BCAS3: variants seen among roughly 807,000 people sequenced by gnomAD.
The protein encoded by BCAS3 is BCAS4/BCAS3 fusion.
Under a neutral mutation model 116.1 loss-of-function variants are expected in BCAS3, and 53 were observed. That is an observed-to-expected ratio of 0.46 (90% CI 0.37 to 0.57). BCAS3 has a LOEUF of 0.57. BCAS3 is among the 20% of genes least tolerant of loss of function. BCAS3 has a pLI of 0.00. For missense variants in BCAS3, 917 were observed against 1,165.4 expected, an observed-to-expected ratio of 0.79 and a Z score of 3.10; for synonymous variants, 391 against 408.2, an observed-to-expected ratio of 0.96 and a Z score of 0.51.
At position 61,326,399 on chromosome 17, in the gene BCAS3, T is replaced by G. The variant is rs9894842; in HGVS notation, c.2426-41928T>G. On this transcript the variant is annotated intron_variant, in intron 22 of 23. Transcript: ENST00000407086. The surrounding 1 kb of genome is among the most constrained non-coding windows in gnomAD (Gnocchi z 5.3). ...GGTGACTGTGGGGTCTTGCTGCTCA[T>G]GTGGACTTTAGTTTTATCCTAAATG... Among the ~76,000 whole-genome samples, 4,416 of 152,276 alleles carry G rather than the reference T, an allele frequency of 0.029. 219 individuals are homozygous for G. Among genetic ancestry groups the G allele is most frequent in the African/African-American group, 0.1 (4,157 of 41,546 alleles).
At chr17:61,295,673 CGGGGCGCGGT>C (rs889789282) in intron 22 of BCAS3, among the ~76,000 whole-genome samples, 25 of 151,780 alleles carry the variant, frequency 1.6e-4, no homozygotes, top group African/African-American at 5.8e-4. Context: ...GTAGGTCAGG[CGGGGCGCGGT>C]GGCTCATGCC....
chr17:60,696,981 G>A (rs112587486), intron 4 of BCAS3, among the ~76,000 whole-genome samples: 10,635 of 150,918 alleles, frequency 0.07, 1,242 homozygotes, highest in African/African-American at 0.24. Flanking sequence ...GAGCCCAGGA[G>A]TTCAAGACCA....
intron 22 of BCAS3, among the ~76,000 whole-genome samples, chr17:61,290,041 T>C (rs1275234615): frequency 6.6e-6 from 1 of 152,206 alleles, no homozygotes; most frequent in East Asian, 1.9e-4. Context: ...TTAGGGTGTT[T>C]ACTTGGGTTC....
intron 6 of BCAS3, among the ~76,000 whole-genome samples, chr17:60,788,839 A>G (rs1411481140): frequency 1.3e-5 from 2 of 152,186 alleles, no homozygotes; most frequent in African/African-American, 4.8e-5. Context: ...GTAGCGCACA[A>G]CAACCTTGAC....
At position 61,171,483 on chromosome 17, in the gene BCAS3, A is replaced by G. The variant is rs2078836936; in HGVS notation, c.2425+86919A>G. Among the ~76,000 whole-genome samples, 1 of 152,234 alleles carries G rather than the reference A, an allele frequency of 6.6e-6. No homozygotes were observed. On this transcript the variant is annotated intron_variant, in intron 22 of 23. Transcript: ENST00000407086. The surrounding 1 kb of genome is among the most constrained non-coding windows in gnomAD (Gnocchi z 4.1). ...TGAATGTAAATGGTCTAAACACTCAATTAAAAGACAGGAAATGTAAGATTG... is the reference window on the plus strand; with the variant it reads ...TGAATGTAAATGGTCTAAACACTCAGTTAAAAGACAGGAAATGTAAGATTG...
intron 14 of BCAS3, among the ~76,000 whole-genome samples, chr17:60,953,055 G>A (rs1425359637): frequency 6.6e-6 from 1 of 151,628 alleles, no homozygotes; most frequent in Non-Finnish European, 1.5e-5. Flanking sequence ...TTGCTATTAG[G>A]AATTGCACTG....
At chr17:60,815,019 C>T (rs1454454356) in intron 7 of BCAS3, among the ~76,000 whole-genome samples, 1 of 152,140 alleles carries the variant, frequency 6.6e-6, no homozygotes, top group African/African-American at 2.4e-5. Context: ...GCACTATTTA[C>T]AATAGCAAAT....
intron 6 of BCAS3, among the ~76,000 whole-genome samples, chr17:60,758,934 T>A (rs541486982): frequency 2.0e-4 from 30 of 152,260 alleles, no homozygotes; most frequent in African/African-American, 5.5e-4. Context: ...TTTACAAAAT[T>A]CATTTTGATG....
intron 19 of BCAS3, among the ~76,000 whole-genome samples, chr17:61,060,393 C>T (rs773596760): frequency 1.3e-5 from 2 of 151,990 alleles, no homozygotes; most frequent in Non-Finnish European, 2.9e-5. Flanking sequence ...GCTTGGCCTC[C>T]CAGAGTGCTG....
chr17:60,773,532 A>T (rs1160550100), intron 6 of BCAS3, among the ~76,000 whole-genome samples: 4 of 152,052 alleles, frequency 2.6e-5, no homozygotes, highest in African/African-American at 9.7e-5. Flanking sequence ...GACTCAAACC[A>T]TCTGCCTATC....
At chr17:61,221,023 C>A (rs2082078968) in intron 22 of BCAS3, among the ~76,000 whole-genome samples, 2 of 152,150 alleles carry the variant, frequency 1.3e-5, no homozygotes, top group Non-Finnish European at 1.5e-5. Flanking sequence ...TGGCATGAAC[C>A]CGGGAGGCAG....
In BCAS3 at chr17:61,281,478, C is replaced by T. The variant is rs2051241159; in HGVS notation, c.2426-86849C>T. 6.6e-6 allele frequency among the ~76,000 whole-genome samples: 1 copy of T among 152,196 alleles called. No individual in the cohort carries two copies. The highest frequency in any genetic ancestry group is 1.5e-5 in the Non-Finnish European group (1 of 68,014). ...CCCAGGTATGAGAGTACTTATTTCT[C>T]TACGCCTTGCCAGTACAGTGTGTTA... is the stretch of plus-strand genomic sequence containing the variant. On this transcript the variant is annotated intron_variant, in intron 22 of 23. Transcript: ENST00000407086. The surrounding 1 kb of genome is among the most constrained non-coding windows in gnomAD (Gnocchi z 4.2).
At chr17:60,862,901 A>T (rs1016068143) in intron 7 of BCAS3, among the ~76,000 whole-genome samples, 3 of 151,208 alleles carry the variant, frequency 2.0e-5, no homozygotes, top group African/African-American at 7.4e-5. Flanking sequence ...TTAAACAGTT[A>T]AAGTTTCACA....
chr17:60,733,687 T>A (rs1315784426), intron 5 of BCAS3, among the ~76,000 whole-genome samples: 2 of 151,822 alleles, frequency 1.3e-5, no homozygotes, highest in Admixed American at 6.6e-5. Flanking sequence ...TACAAAAAAA[T>A]TTTTAAAAAG....
In BCAS3 at chr17:60,713,469, C is replaced by T. The variant is rs139568858; in HGVS notation, c.321+4144C>T. 2.3e-3 allele frequency among the ~76,000 whole-genome samples: 355 copies of T among 152,158 alleles called. 1 individual carries two copies. The highest frequency in any genetic ancestry group is 1.1e-3 in the Non-Finnish European group (74 of 68,008). On this transcript the variant is annotated intron_variant, in intron 5 of 23. Coordinates refer to ENST00000407086, the MANE Select transcript of BCAS3 (RefSeq NM_017679.5). ...GGATCTTTATAGTCTGTAATTAATACGATTGGCCCTCTATATACGTGTGTT... is the reference window on the plus strand; with the variant it reads ...GGATCTTTATAGTCTGTAATTAATATGATTGGCCCTCTATATACGTGTGTT...
At chr17:60,839,193 C>T (rs1162785791) in intron 7 of BCAS3, among the ~76,000 whole-genome samples, 3 of 151,968 alleles carry the variant, frequency 2.0e-5, no homozygotes, top group Admixed American at 2.0e-4. Flanking sequence ...AAACATATTT[C>T]TTTGTATTAT....
rs1240043780 is a variant in BCAS3, at chr17:61,286,805, C to T, written c.2426-81522C>T. Among the ~76,000 whole-genome samples the T allele has an allele frequency of 6.6e-6, 1 of 152,162 alleles. No homozygotes were observed. The highest frequency in any genetic ancestry group is 6.5e-5 in the Admixed American group (1 of 15,272). Reference sequence around the variant, plus strand: ...TTGAGGCAAATTACACTACAGAGATCCTGGCCAGGGTGAGGAAAGACAGAG... The same window carrying T: ...TTGAGGCAAATTACACTACAGAGATTCTGGCCAGGGTGAGGAAAGACAGAG... On this transcript the variant is annotated intron_variant, in intron 22 of 23. Coordinates refer to ENST00000407086, the MANE Select transcript of BCAS3 (RefSeq NM_017679.5). This position sits in a 1 kb window ranked among gnomAD's most constrained non-coding sequence, Gnocchi z 4.8.
At chr17:61,345,272 G>T (rs1422042152) in intron 22 of BCAS3, among the ~76,000 whole-genome samples, 1 of 152,206 alleles carries the variant, frequency 6.6e-6, no homozygotes. Flanking sequence ...TGACTGGCTG[G>T]CTGGGCGATT....
intron 6 of BCAS3, among the ~76,000 whole-genome samples, chr17:60,771,048 T>C (rs1598599898): frequency 1.3e-5 from 2 of 152,080 alleles, no homozygotes; most frequent in Middle Eastern, 3.4e-3. Flanking sequence ...CTTCAGGTGA[T>C]CTGCCTGCCT....
Sources: allele counts gnomAD v4.1 joint callset (sites outside exome capture counted in the v4.1 genomes callset), GRCh38; gene constraint gnomAD v4.1.1; non-coding constraint Gnocchi (gnomAD v3.1); transcripts MANE v1.5; gene names NCBI Gene and HGNC (gene_info 2026-07-23, HGNC 2026-07-21).